The following MALRD1 variants were observed in gnomAD, a reference collection of about 807,000 sequenced individuals.
MALRD1 encodes the protein MAM and LDL-receptor class A domain-containing protein 1.
Under a neutral mutation model 242.1 loss-of-function variants are expected in MALRD1, and 247 were observed. The ratio of observed to expected loss-of-function variants is 1.02; its 90% confidence interval spans 0.92 to 1.13. MALRD1 has a LOEUF of 1.13. Among genes scored for constraint, MALRD1 ranks in the 50% most tolerant of loss-of-function variants. The pLI is 0.00. For missense variants in MALRD1, 2,989 were observed against 2,533.1 expected (o/e 1.18, Z -3.86); for synonymous variants, 995 against 866.6 (o/e 1.15, Z -2.60).
At chr10:19,539,902 GCGCGCGTGCGCGCACACA>G (rs1220359351) in intron 32 of MALRD1, among the ~76,000 whole-genome samples, 15 of 52,302 alleles carry the variant, frequency 2.9e-4, no homozygotes, top group Admixed American at 4.9e-4. Flanking sequence ...GTGTGTGCGC[GCGCGCGTGCGCGCACACA>G]CGCGCAGTGA....
chr10:19,655,530 GTATATATATATATATATATATATA>G lies in MALRD1; in HGVS notation c.6138-36734_6138-36711del, dbSNP rs56752723. Among the ~76,000 whole-genome samples the G allele has an allele frequency of 2.2e-3, 238 of 108,834 alleles. 2 individuals carry two copies. The highest frequency in any genetic ancestry group is 3.7e-3 in the Non-Finnish European group (189 of 51,660). The allele number at this position is 108,834 out of a possible 152,430, so 71.4% of individuals were successfully genotyped here. A position where few individuals can be genotyped will look rare whatever the true frequency, so the allele number is the denominator to read the frequency against. ...TGTGTGTACATATATATGTGTGAGT[GTATATATATATATATATATATATA>G]TATATATATATATATATGGAGATAA... On this transcript the variant is annotated intron_variant, in intron 36 of 39. Transcript: ENST00000454679.
chr10:19,049,627 T>G (rs543779545), intron 1 of MALRD1, among the ~76,000 whole-genome samples: 3 of 152,306 alleles, frequency 2.0e-5, no homozygotes, highest in African/African-American at 7.2e-5. Flanking sequence ...GCTTTTGTCC[T>G]TTGATTTCAG....
intron 36 of MALRD1, among the ~76,000 whole-genome samples, chr10:19,624,537 G>A (rs1360799172): frequency 6.6e-6 from 1 of 152,030 alleles, no homozygotes; most frequent in African/African-American, 2.4e-5. Flanking sequence ...AACCTGTGGA[G>A]CAGATAATAG....
rs574238202 is a variant in MALRD1 at position 19,063,706 on chromosome 10, T to G, written c.200-3013T>G. 1.2e-3 allele frequency among the ~76,000 whole-genome samples: 182 copies of G among 151,636 alleles called. 1 individual carries two copies. Among genetic ancestry groups the G allele is most frequent in the Middle Eastern group, 0.01 (3 of 294 alleles). On this transcript the variant is annotated intron_variant, in intron 1 of 39. Coordinates refer to ENST00000454679, the MANE Select transcript of MALRD1 (RefSeq NM_001142308.3). ...TATCATTGTTGGACATTTGGGTTGG[T>G]TCCAAGTGTTCTCACTCATAGGTGG...
intron 26 of MALRD1, among the ~76,000 whole-genome samples, chr10:19,365,067 A>G (rs750021322): frequency 6.6e-6 from 1 of 152,184 alleles, no homozygotes; most frequent in Non-Finnish European, 1.5e-5. Context: ...TTAAAATTTT[A>G]AAATTGTTTA....
chr10:19,327,396 T>A (rs916737832), intron 22 of MALRD1, among the ~76,000 whole-genome samples, 167 bp from the exon 23 acceptor site: 2 of 151,916 alleles, frequency 1.3e-5, no homozygotes, highest in African/African-American at 4.8e-5. Context: ...AGGGGCACAA[T>A]GCTGTAGAAA....
At chr10:19,062,103 G>T (rs1834839172) in intron 1 of MALRD1, among the ~76,000 whole-genome samples, 1 of 151,960 alleles carries the variant, frequency 6.6e-6, no homozygotes, top group Non-Finnish European at 1.5e-5. Context: ...ATTAAAAAAT[G>T]AACAAAGACC....
chr10:19,554,638 G>A lies in MALRD1; in HGVS notation c.5479-12864G>A, dbSNP rs138006138. Reference sequence around the variant, plus strand: ...AGCTCCCACTTATGAGTGAGAACATGCAGTGTTTGGTTTTCTGTTCCTGTG... The same window carrying A: ...AGCTCCCACTTATGAGTGAGAACATACAGTGTTTGGTTTTCTGTTCCTGTG... On this transcript the variant is annotated intron_variant, in intron 32 of 39. Transcript: ENST00000454679. Among the ~76,000 whole-genome samples the A allele has an allele frequency of 2.3e-3, 355 of 152,176 alleles. 3 individuals are homozygous for A. Among genetic ancestry groups the A allele is most frequent in the African/African-American group, 8.4e-3 (349 of 41,526 alleles).
intron 12 of MALRD1, among the ~76,000 whole-genome samples, chr10:19,165,214 G>C (rs1401951045): frequency 1.7e-5 from 2 of 117,536 alleles, no homozygotes; most frequent in African/African-American, 7.4e-5. Flanking sequence ...GAATTGAGAA[G>C]ATTATATTTA....
intron 14 of MALRD1, among the ~76,000 whole-genome samples, chr10:19,189,791 C>G (rs1835895203): frequency 6.6e-6 from 1 of 151,876 alleles, no homozygotes; most frequent in Non-Finnish European, 1.5e-5. Flanking sequence ...ACTCAACAAA[C>G]CAGGAATAAA....
chr10:19,140,543 ATG>A (rs34024633), intron 10 of MALRD1, among the ~76,000 whole-genome samples: 67,097 of 146,846 alleles, frequency 0.46, 16,466 homozygotes, highest in East Asian at 0.68. Context: ...GTGTGTGTGT[ATG>A]TGTGTGTGTG....
At chr10:19,387,177 A>T (rs1319854272) in intron 26 of MALRD1, among the ~76,000 whole-genome samples, 1 of 152,108 alleles carries the variant, frequency 6.6e-6, no homozygotes, top group Non-Finnish European at 1.5e-5. Context: ...TTGTTTCAGG[A>T]TGAAAAAATA....
intron 13 of MALRD1, among the ~76,000 whole-genome samples, chr10:19,166,965 T>C (rs1306896805): frequency 6.6e-6 from 1 of 152,132 alleles, no homozygotes; most frequent in African/African-American, 2.4e-5. Context: ...TCCTAATGTG[T>C]GAAAACCAGT....
intron 18 of MALRD1, among the ~76,000 whole-genome samples, chr10:19,236,384 T>C (rs1005062016): frequency 2.0e-5 from 3 of 152,188 alleles, no homozygotes; most frequent in Non-Finnish European, 4.4e-5. Flanking sequence ...GTAGAGTTTA[T>C]GCCCATGGGG....
chr10:19,063,947 A>G, intron 1 of MALRD1, among the ~76,000 whole-genome samples: 1 of 151,882 alleles, frequency 6.6e-6, no homozygotes, highest in Admixed American at 6.6e-5. Flanking sequence ...GTATCATATA[A>G]TAAAATAAAA....
chr10:19,371,613 C>A (rs1038321347), intron 26 of MALRD1, among the ~76,000 whole-genome samples: 2 of 152,016 alleles, frequency 1.3e-5, no homozygotes, highest in Non-Finnish European at 2.9e-5. Context: ...AATCTATTAT[C>A]CCTTCTATAT....
At chr10:19,246,285 G>A (rs1037512083) in intron 18 of MALRD1, among the ~76,000 whole-genome samples, 6 of 152,082 alleles carry the variant, frequency 3.9e-5, no homozygotes, top group African/African-American at 1.4e-4. Flanking sequence ...TCAGACACAT[G>A]TAGAGTTATA....
intron 33 of MALRD1, among the ~76,000 whole-genome samples, chr10:19,568,363 G>T (rs1345124279): frequency 1.3e-5 from 2 of 150,118 alleles, no homozygotes; most frequent in Non-Finnish European, 1.5e-5. Flanking sequence ...TGTTGTTGTT[G>T]TTGTTGTTTT....
chr10:19,193,231 C>G (rs1418160558), intron 14 of MALRD1, among the ~76,000 whole-genome samples: 1 of 152,068 alleles, frequency 6.6e-6, no homozygotes, highest in Admixed American at 6.6e-5. Flanking sequence ...AAATAACTTA[C>G]AACATCAGGC....
Sources: allele counts gnomAD v4.1 joint callset (sites outside exome capture counted in the v4.1 genomes callset), GRCh38; gene constraint gnomAD v4.1.1; transcripts MANE v1.5; gene names NCBI Gene and HGNC (gene_info 2026-07-23, HGNC 2026-07-21).